ARHGAP44: variants seen among roughly 807,000 people sequenced by gnomAD.
ARHGAP44 encodes rho GTPase-activating protein 44.
In ARHGAP44, 43 loss-of-function variants were observed where a neutral mutation model predicts 106.8. That is an observed-to-expected ratio of 0.40 (90% confidence interval 0.32 to 0.52). ARHGAP44 has a LOEUF of 0.52. Ranked by LOEUF, ARHGAP44 falls within the 20% of genes least tolerant of loss-of-function variation. The pLI is 0.48. For missense variants in ARHGAP44, 866 were observed against 1,050.5 expected (o/e 0.82, Z 2.43); for synonymous variants, 439 against 410.3 (o/e 1.07, Z -0.85).
chr17:12,840,780 A>G (rs768661337), intron 1 of ARHGAP44, among the ~76,000 whole-genome samples: 9 of 152,216 alleles, frequency 5.9e-5, no homozygotes, highest in Admixed American at 1.3e-4. Flanking sequence ...CTGAGACGGC[A>G]CAAGTAGACA....
chr17:12,900,844 A>C (rs1159941338), intron 3 of ARHGAP44, among the ~76,000 whole-genome samples: 1 of 151,856 alleles, frequency 6.6e-6, no homozygotes, highest in Non-Finnish European at 1.5e-5. Context: ...CAGCACCAAA[A>C]GGGGTAAACA....
chr17:12,896,983 C>T (rs1366261618), intron 3 of ARHGAP44, among the ~76,000 whole-genome samples: 1 of 152,126 alleles, frequency 6.6e-6, no homozygotes, highest in East Asian at 1.9e-4. Context: ...TAATGAGACA[C>T]AATAAAAAGA....
chr17:12,885,297 T>A (rs537433415), intron 1 of ARHGAP44, among the ~76,000 whole-genome samples: 1 of 151,828 alleles, frequency 6.6e-6, no homozygotes, highest in Non-Finnish European at 1.5e-5. Context: ...GTATTACAAA[T>A]AAAGCTCTAT....
chr17:12,876,025 G>C lies in ARHGAP44; in HGVS notation c.54-18915G>C, dbSNP rs181462727. 1.7e-3 allele frequency among the ~76,000 whole-genome samples: 258 copies of C among 152,294 alleles called. 1 individual carries two copies. Among genetic ancestry groups the C allele is most frequent in the African/African-American group, 6.0e-3 (250 of 41,572 alleles). ...GGGTCACACTGACCAGTTAGAGCTA[G>C]AAGCTCTAACTGCTTTCTCGAGCTA... is the stretch of plus-strand genomic sequence containing the variant. On this transcript the variant is annotated intron_variant, in intron 1 of 20. Coordinates refer to ENST00000379672, the MANE Select transcript of ARHGAP44 (RefSeq NM_014859.6).
chr17:12,892,984 GT>G (rs553424546), intron 1 of ARHGAP44, among the ~76,000 whole-genome samples: 36 of 148,988 alleles, frequency 2.4e-4, no homozygotes, highest in Admixed American at 6.0e-4. Flanking sequence ...TTCAGTTTGA[GT>G]TTTTTTTTCT....
intron 1 of ARHGAP44, among the ~76,000 whole-genome samples, chr17:12,871,582 C>T (rs747978228): frequency 1.4e-4 from 22 of 152,032 alleles, no homozygotes; most frequent in Non-Finnish European, 2.4e-4. Flanking sequence ...CGTGAGAGCT[C>T]ACTGTCTTGA....
At chr17:12,974,047 C>T in intron 17 of ARHGAP44, 42 bp from the exon 18 acceptor site, 2 of 1,537,216 alleles carry the variant, frequency 1.3e-6, no homozygotes, top group South Asian at 1.2e-5. Flanking sequence ...CTCCTGTCAT[C>T]TGTTACGCGT....
intron 10 of ARHGAP44, among the ~76,000 whole-genome samples, chr17:12,948,137 C>T (rs77830355): frequency 0.061 from 9,258 of 152,246 alleles, 328 homozygotes; most frequent in Non-Finnish European, 0.079. Context: ...TTACCTGTGA[C>T]GTGGAGGTTT....
At chr17:12,924,547 C>A (rs180764607) in intron 6 of ARHGAP44, among the ~76,000 whole-genome samples, 14 of 152,288 alleles carry the variant, frequency 9.2e-5, no homozygotes, top group African/African-American at 3.4e-4. Flanking sequence ...AACCAGCTGC[C>A]TCTGGGTCCT....
chr17:12,854,692 C>T (rs895635420), intron 1 of ARHGAP44, among the ~76,000 whole-genome samples: 6 of 152,144 alleles, frequency 3.9e-5, no homozygotes, highest in African/African-American at 1.4e-4. Flanking sequence ...AGCGCGGTGG[C>T]TCATGCCTGT....
At chr17:12,956,188 G>C (rs1175082056) in intron 14 of ARHGAP44, among the ~76,000 whole-genome samples, 1 of 152,122 alleles carries the variant, frequency 6.6e-6, no homozygotes, top group Non-Finnish European at 1.5e-5. Context: ...CAGAGCTACA[G>C]GTCTGAAGTC....
chr17:12,986,983 T>G, intron 20 of ARHGAP44: 3 of 923,058 alleles, frequency 3.3e-6, no homozygotes, highest in Non-Finnish European at 4.9e-6. Flanking sequence ...TCCATCATGG[T>G]TTGATGTGGC....
chr17:12,890,379 T>G (rs2037006741), intron 1 of ARHGAP44, among the ~76,000 whole-genome samples: 1 of 152,230 alleles, frequency 6.6e-6, no homozygotes, highest in Admixed American at 6.5e-5. Flanking sequence ...TAGCATTATA[T>G]GGATGCCACC....
chr17:12,823,271 G>T (rs1445042271), intron 1 of ARHGAP44, among the ~76,000 whole-genome samples: 1 of 152,142 alleles, frequency 6.6e-6, no homozygotes, highest in Non-Finnish European at 1.5e-5. Flanking sequence ...GTACCACTGT[G>T]ACTTCTTGAC....
chr17:12,803,455 A>G (rs1218109158), intron 1 of ARHGAP44, among the ~76,000 whole-genome samples: 1 of 151,588 alleles, frequency 6.6e-6, no homozygotes, highest in African/African-American at 2.4e-5. Context: ...GCTCCTATGA[A>G]TCCATCCCTG....
At chr17:12,922,878 A>G (rs889413513) in intron 6 of ARHGAP44, among the ~76,000 whole-genome samples, 1 of 152,164 alleles carries the variant, frequency 6.6e-6, no homozygotes, top group Non-Finnish European at 1.5e-5. Context: ...TGGTGACACC[A>G]AGTAGTCTGT....
At position 12,991,029 on chromosome 17, in the gene ARHGAP44, A is replaced by G. The variant is rs1023510918; in HGVS notation, c.*858A>G. On this transcript the variant is annotated 3_prime_UTR_variant, in exon 21 of 21. Coordinates refer to ENST00000379672, the MANE Select transcript of ARHGAP44 (RefSeq NM_014859.6). ...CTGTCTCTTCTTTCTGGAGGTTCAA[A>G]CTGAATAGCAATAATTACGTTACCC... The G allele has an allele frequency of 1.3e-5, 2 of 152,620 alleles. No homozygotes were observed. Among genetic ancestry groups the G allele is most frequent in the African/African-American group, 2.4e-5 (1 of 41,446 alleles). The allele number at this position is 152,620 out of a possible 1,614,324, so 9.5% of individuals were successfully genotyped here.
At chr17:12,959,960 G>C (rs1010815419) in intron 16 of ARHGAP44, among the ~76,000 whole-genome samples, 12 of 152,362 alleles carry the variant, frequency 7.9e-5, no homozygotes, top group Admixed American at 1.3e-4. Context: ...GAAAATCCAA[G>C]AACTGTTAGA....
At chr17:12,956,319 A>G (rs1336370017) in intron 14 of ARHGAP44, among the ~76,000 whole-genome samples, 1 of 152,132 alleles carries the variant, frequency 6.6e-6, no homozygotes, top group Non-Finnish European at 1.5e-5. Context: ...TCCCAGCCTC[A>G]GGATTCGGAG....
Sources: gnomAD v4.1 joint callset for allele counts (sites outside exome capture counted in the v4.1 genomes callset) on GRCh38, gnomAD v4.1.1 for gene constraint, MANE v1.5 for transcripts, NCBI Gene and HGNC (gene_info 2026-07-23, HGNC 2026-07-21) for gene names.